The following SLIRP variants were observed in gnomAD, a reference collection of about 807,000 sequenced individuals.
SLIRP encodes SRA stem-loop-interacting RNA-binding protein, mitochondrial.
SLIRP carries 12 observed loss-of-function variants against 13.4 expected under a neutral mutation model. The ratio of observed to expected loss-of-function variants is 0.89; its 90% CI spans 0.57 to 1.45. SLIRP has a LOEUF of 1.45. Among genes scored for constraint, SLIRP ranks in the 40% most tolerant of loss-of-function variants. SLIRP has a pLI of 0.00. For synonymous variants in SLIRP, 55 were observed against 47.1 expected (o/e 1.17, Z -0.69); for missense variants, 154 against 132.2 (o/e 1.17, Z -0.81).
intron 3 of SLIRP, chr14:77,716,498 A>T (rs1352302358): frequency 1.3e-5 from 2 of 151,416 alleles, no homozygotes; most frequent in Non-Finnish European, 2.9e-5. Context: ...AAATACAAAA[A>T]AAATTAGATG....
intron 2 of SLIRP, 26 bp from the exon 3 acceptor site, chr14:77,715,746 T>C: frequency 1.3e-6 from 2 of 1,581,972 alleles, no homozygotes; most frequent in Non-Finnish European, 1.7e-6. Flanking sequence ...TCATGATTAA[T>C]CTTTTCCTAT....
intron 2 of SLIRP, among the ~76,000 whole-genome samples, chr14:77,714,503 G>A (rs1368797716): frequency 6.6e-6 from 1 of 152,030 alleles, no homozygotes; most frequent in Admixed American, 6.6e-5. Context: ...GTTTCACTAT[G>A]TTGGCCAGGC....
Position 77,715,783 on chromosome 14 carries a change from T to G in SLIRP, c.168T>G (p.Thr56=), listed in dbSNP as rs1380083745. The G allele has an allele frequency of 3.7e-6, 6 of 1,613,010 alleles. No individual in the cohort carries two copies. Among genetic ancestry groups the G allele is most frequent in the Non-Finnish European group, 5.1e-6 (6 of 1,179,676 alleles). ...TTTTGAATTTTTAGGACAAGGAGAC[T>G]GGCTTTCACAGAGGTTTGGGTTGGG... is the stretch of plus-strand genomic sequence containing the variant. ...RRCILPFDKE[T]GFHRGLGWVQ... Residue 56 remains threonine (T), a synonymous_variant, in exon 3 of 4, where the codon ACT becomes ACG. Coordinates refer to ENST00000557342, the MANE Select transcript of SLIRP (RefSeq NM_031210.6).
intron 1 of SLIRP, among the ~76,000 whole-genome samples, chr14:77,710,154 A>G (rs979511851): frequency 6.6e-6 from 1 of 152,216 alleles, no homozygotes; most frequent in Admixed American, 6.5e-5. Flanking sequence ...TATACTCTAA[A>G]TCTTTGAAGT....
intron 2 of SLIRP, chr14:77,712,132 G>A (rs1461192892): frequency 6.6e-6 from 1 of 152,184 alleles, no homozygotes; most frequent in East Asian, 1.9e-4. Context: ...TCACAGCTGA[G>A]CACAGTTTAG....
chr14:77,716,715 G>A (rs1382507868), intron 3 of SLIRP, among the ~76,000 whole-genome samples: 1 of 150,746 alleles, frequency 6.6e-6, no homozygotes, highest in Non-Finnish European at 1.5e-5. Context: ...AGTACAAGAT[G>A]ACCCTTTAAT....
rs200117103 is a variant in SLIRP, at chr14:77,714,737, C to T, written c.157-1035C>T. Among the ~76,000 whole-genome samples the T allele has an allele frequency of 3.3e-5, 5 of 152,200 alleles. No individual in the cohort carries two copies. In the East Asian group the frequency reaches 9.6e-4, roughly 29 times the overall value. On this transcript the variant is annotated intron_variant, in intron 2 of 3. Coordinates refer to ENST00000557342, the MANE Select transcript of SLIRP (RefSeq NM_031210.6). ...GAAACTTTCCGTCTTCTAGGTTAAT[C>T]CTTATAAAGTTATCCTTGAAGTAGA...
chr14:77,710,121 G>A (rs1265124183), intron 1 of SLIRP, among the ~76,000 whole-genome samples: 2 of 152,172 alleles, frequency 1.3e-5, no homozygotes, highest in Non-Finnish European at 2.9e-5. Context: ...AACAGATCGT[G>A]TAGTTTTTAG....
chr14:77,708,136 G>A lies in SLIRP; in HGVS notation c.25G>A (p.Ala9Thr). 2 of 1,613,994 alleles carry A rather than the reference G, an allele frequency of 1.2e-6. No homozygotes were observed. Among genetic ancestry groups the A allele is most frequent in the Non-Finnish European group, 1.7e-6 (2 of 1,179,864 alleles). ...GATGGCGGCCTCAGCAGCGAGAGGT[G>A]CTGCGGCGCTGCGTAGAAGTATCAA... MAASAARG[A>T]AALRRSINQP... Residue 9 changes from alanine to threonine, a missense_variant, in exon 1 of 4, where the codon GCT (alanine) becomes ACT (threonine). By Grantham distance (58) the Ala-to-Thr change is moderately conservative (BLOSUM62 0). Transcript: ENST00000557342.
chr14:77,713,401 A>G (rs2080455198), intron 2 of SLIRP, among the ~76,000 whole-genome samples: 1 of 152,160 alleles, frequency 6.6e-6, no homozygotes, highest in African/African-American at 2.4e-5. Context: ...AAATAACAAC[A>G]TAAAGGAACT....
chr14:77,710,613 T>G, intron 1 of SLIRP: 1 of 1,513,548 alleles, frequency 6.6e-7, no homozygotes, highest in East Asian at 2.6e-5. Flanking sequence ...TTGCTGAGGA[T>G]GGAGACTGCA....
At chr14:77,708,768 G>A (rs1281958169) in intron 1 of SLIRP, among the ~76,000 whole-genome samples, 1 of 152,196 alleles carries the variant, frequency 6.6e-6, no homozygotes, top group African/African-American at 2.4e-5. Context: ...GCCAAGAGAA[G>A]ATGAGTAAAG....
At chr14:77,712,876 A>G (rs1212265047) in intron 2 of SLIRP, among the ~76,000 whole-genome samples, 1 of 152,190 alleles carries the variant, frequency 6.6e-6, no homozygotes, top group African/African-American at 2.4e-5. Context: ...CTGTCTTACA[A>G]TATGGCAGCT....
chr14:77,712,440 ATTTTTT>A (rs55773743), intron 2 of SLIRP, among the ~76,000 whole-genome samples: 1 of 87,156 alleles, frequency 1.1e-5, no homozygotes, highest in Non-Finnish European at 2.2e-5. Context: ...CGACCGGCTA[ATTTTTT>A]TTTTTTTTTT....
chr14:77,710,260 A>C (rs1045825372), intron 1 of SLIRP, among the ~76,000 whole-genome samples: 1 of 152,176 alleles, frequency 6.6e-6, no homozygotes, highest in Non-Finnish European at 1.5e-5. Context: ...GGATAGTTAT[A>C]GTGTTACAAG....
chr14:77,715,751 T>G lies in SLIRP; in HGVS notation c.157-21T>G, dbSNP rs542162683. ...TTTCTGAAGTTCATGATTAATCTTT[T>G]CCTATATTTTGAATTTTTAGGACAA... On this transcript the variant is annotated intron_variant, in intron 2 of 3. Coordinates refer to ENST00000557342, the MANE Select transcript of SLIRP (RefSeq NM_031210.6). The G allele has an allele frequency of 4.5e-5, 71 of 1,589,564 alleles. No individual in the cohort carries two copies. The East Asian group carries it at 1.5e-3, about 33-fold the overall frequency.
intron 3 of SLIRP, among the ~76,000 whole-genome samples, chr14:77,716,664 A>G (rs1013187978): frequency 1.4e-4 from 18 of 126,692 alleles, no homozygotes; most frequent in African/African-American, 4.0e-4. Flanking sequence ...AAAAAAAAAA[A>G]TGGGGGGTGG....
At chr14:77,714,690 A>G (rs2080463191) in intron 2 of SLIRP, among the ~76,000 whole-genome samples, 1 of 152,240 alleles carries the variant, frequency 6.6e-6, no homozygotes, top group South Asian at 2.1e-4. Flanking sequence ...TCTACAATGA[A>G]TGGATCATTG....
At chr14:77,716,057 C>G (rs2080475195) in intron 3 of SLIRP, 178 bp downstream of exon 3, 1 of 532,938 alleles carries the variant, frequency 1.9e-6, no homozygotes, top group Admixed American at 3.4e-5. Context: ...TGGCTCACGC[C>G]TGTAATCCCA....
Sources: allele counts gnomAD v4.1 joint callset (sites outside exome capture counted in the v4.1 genomes callset), GRCh38; gene constraint gnomAD v4.1.1; transcripts MANE v1.5; gene names NCBI Gene and HGNC (gene_info 2026-07-23, HGNC 2026-07-21).